Variants in RGS3 observed in about 807,000 individuals in gnomAD.
RGS3 encodes regulator of G protein signaling 3.
RGS3 carries 80 observed loss-of-function variants against 132.6 expected under a neutral mutation model. The observed-to-expected ratio is 0.60, with a 90% CI of 0.50 to 0.73. RGS3 has a LOEUF of 0.73. Ranked by LOEUF, RGS3 falls within the 30% of genes least tolerant of loss-of-function variation. The pLI, the probability that RGS3 is intolerant of heterozygous loss-of-function variation, is 0.00. For synonymous variants in RGS3, 598 were observed against 620.6 expected (o/e 0.96, Z 0.54); for missense variants, 1,382 against 1,530.8 (o/e 0.90, Z 1.62).
chr9:113,594,515 A>G, exon 22 of RGS3: 1 of 1,613,626 alleles, frequency 6.2e-7, no homozygotes, highest in Non-Finnish European at 8.5e-7. Context: ...GGCAGACAAA[A>G]TGATGAAGTC....
chr9:113,447,319 G>GTGTA (rs1301499712), intron 1 of RGS3, among the ~76,000 whole-genome samples: 1 of 21,886 alleles, frequency 4.6e-5, no homozygotes, highest in African/African-American at 8.2e-5. Context: ...AAATTCTGAT[G>GTGTA]TATGTATATG....
At chr9:113,481,836 C>T (rs953653107) in intron 4 of RGS3, among the ~76,000 whole-genome samples, 3 of 152,228 alleles carry the variant, frequency 2.0e-5, no homozygotes, top group East Asian at 1.9e-4. Flanking sequence ...CACCTGAGGT[C>T]GGGAGTTCGA....
chr9:113,482,464 A>G (rs1312404266), intron 4 of RGS3, among the ~76,000 whole-genome samples: 5 of 151,960 alleles, frequency 3.3e-5, no homozygotes, highest in African/African-American at 1.2e-4. Flanking sequence ...GGGTCCGTCC[A>G]CCCCTGAGGC....
At chr9:113,470,294 C>T (rs542598960) in intron 3 of RGS3, among the ~76,000 whole-genome samples, 8 of 152,250 alleles carry the variant, frequency 5.3e-5, no homozygotes, top group East Asian at 1.9e-4. Context: ...TCAAATATTC[C>T]GTATCCTTGT....
At chr9:113,545,004 T>G (rs1246652814) in intron 19 of RGS3, among the ~76,000 whole-genome samples, 1 of 152,212 alleles carries the variant, frequency 6.6e-6, no homozygotes, top group Non-Finnish European at 1.5e-5. Flanking sequence ...AGAATGCATT[T>G]TCCTGAGGGT....
intron 7 of RGS3, among the ~76,000 whole-genome samples, chr9:113,493,210 T>C (rs988429123): frequency 5.3e-5 from 8 of 152,248 alleles, no homozygotes; most frequent in Non-Finnish European, 7.3e-5. Context: ...TGCCTCCTAT[T>C]AGTGCTGACT....
chr9:113,448,360 T>C (rs1326204007), intron 1 of RGS3, among the ~76,000 whole-genome samples: 1 of 152,204 alleles, frequency 6.6e-6, no homozygotes, highest in African/African-American at 2.4e-5. Context: ...CCTTGTTCTA[T>C]GTGCTCTAGC....
At chr9:113,508,704 A>G (rs1284971781) in intron 14 of RGS3, 124 bp downstream of exon 12, 31 of 870,280 alleles carry the variant, frequency 3.6e-5, no homozygotes, top group East Asian at 2.7e-4. Context: ...CACTTAGCCT[A>G]TCGACACAGA....
intron 1 of RGS3, among the ~76,000 whole-genome samples, chr9:113,448,242 C>T (rs997523823): frequency 2.0e-5 from 3 of 152,134 alleles, no homozygotes; most frequent in Non-Finnish European, 2.9e-5. Context: ...TAAAACTCTC[C>T]TTTCCCCTTA....
At chr9:113,498,387 G>A (rs1447572107) in intron 10 of RGS3, among the ~76,000 whole-genome samples, 3 of 152,060 alleles carry the variant, frequency 2.0e-5, no homozygotes, top group East Asian at 1.9e-4. Flanking sequence ...CAGACTTCTC[G>A]GCCCCCTGCT....
intron 19 of RGS3, among the ~76,000 whole-genome samples, chr9:113,549,809 G>A (rs921605207): frequency 2.6e-5 from 4 of 151,810 alleles, no homozygotes; most frequent in Middle Eastern, 3.2e-3. Flanking sequence ...TAGATGAAAC[G>A]TGCTTTATTT....
intron 19 of RGS3, among the ~76,000 whole-genome samples, chr9:113,562,509 A>T (rs147347989): frequency 6.6e-6 from 1 of 151,382 alleles, no homozygotes; most frequent in African/African-American, 2.4e-5. Context: ...ATCATATCTG[A>T]TAGGGCTATG....
chr9:113,483,085 A>G, exon 5 of RGS3: 2 of 1,613,968 alleles, frequency 1.2e-6, no homozygotes, highest in South Asian at 1.1e-5. Flanking sequence ...CCTGATCAGC[A>G]AACAGCCTGG....
At chr9:113,597,144 C>T (rs780102972) in exon 25 of RGS3, 5 of 566,990 alleles carry the variant, frequency 8.8e-6, no homozygotes, top group Non-Finnish European at 9.1e-6. Context: ...GAAGGATGGG[C>T]CCCGTGGGGT....
At chr9:113,549,808 C>T (rs144666459) in intron 19 of RGS3, among the ~76,000 whole-genome samples, 11 of 151,920 alleles carry the variant, frequency 7.2e-5, no homozygotes, top group Non-Finnish European at 1.0e-4. Flanking sequence ...GTAGATGAAA[C>T]GTGCTTTATT....
chr9:113,447,961 T>C lies in RGS3; in HGVS notation c.-13+3034T>C, dbSNP rs1161277518. Among the ~76,000 whole-genome samples the C allele has an allele frequency of 2.0e-5, 3 of 151,326 alleles. No individual in the cohort carries two copies. In the East Asian group the frequency reaches 5.9e-4, roughly 30 times the overall value. ...CAGCCTCGACCTCCTGGGTTCAAGC[T>C]ATTCCCCCATCTCAGCCTCATGAGT... is the stretch of plus-strand genomic sequence containing the variant. On this transcript the variant is annotated intron_variant, in intron 1 of 25. Transcript: ENST00000374140.
intron 19 of RGS3, chr9:113,581,030 G>GGC: frequency 1.1e-6 from 1 of 888,756 alleles, no homozygotes; most frequent in Non-Finnish European, 1.3e-6. Flanking sequence ...CAGGGGGTGG[G>GGC]TCGGGGGGAG....
At chr9:113,495,295 A>T (rs554160273) in intron 7 of RGS3, among the ~76,000 whole-genome samples, 1 of 152,348 alleles carries the variant, frequency 6.6e-6, no homozygotes, top group South Asian at 2.1e-4. Context: ...GATTGGTCTC[A>T]GCAGCTTTTG....
intron 19 of RGS3, among the ~76,000 whole-genome samples, chr9:113,538,167 C>T: frequency 6.6e-6 from 1 of 152,216 alleles, no homozygotes; most frequent in East Asian, 1.9e-4. Flanking sequence ...CATATACGGG[C>T]TATAGCACAG....
Sources: gnomAD v4.1 joint callset for allele counts (sites outside exome capture counted in the v4.1 genomes callset) on GRCh38, gnomAD v4.1.1 for gene constraint, MANE v1.5 for transcripts, NCBI Gene and HGNC (gene_info 2026-07-23, HGNC 2026-07-21) for gene names.